The following PTCD2 variants were observed in gnomAD, a reference collection of about 807,000 sequenced individuals.
The protein encoded by PTCD2 is pentatricopeptide repeat-containing protein 2, mitochondrial.
PTCD2 carries 31 observed loss-of-function variants against 42.6 expected under a neutral mutation model. That is an observed-to-expected ratio of 0.73 (90% CI 0.55 to 0.98). The LOEUF (loss-of-function observed/expected upper bound fraction) is 0.98. Ranked by LOEUF, PTCD2 falls within the 50% of genes least tolerant of loss-of-function variation. The probability of loss-of-function intolerance (pLI) is 0.00; values close to 1 mark genes in which losing one functional copy is unlikely to be tolerated. For synonymous variants in PTCD2, 183 were observed against 170.9 expected, an observed-to-expected ratio of 1.07 and a Z score of -0.55; for missense variants, 476 against 454.8, an observed-to-expected ratio of 1.05 and a Z score of -0.42.
At chr5:72,323,080 G>A (rs927433650) in intron 2 of PTCD2, among the ~76,000 whole-genome samples, 1 of 152,026 alleles carries the variant, frequency 6.6e-6, no homozygotes, top group Admixed American at 6.6e-5. Flanking sequence ...AGCCTGGGAG[G>A]TCTAAGGTGC....
In PTCD2 at chr5:72,334,621, G is replaced by A. The variant is rs186622919; in HGVS notation, c.469-397G>A. On this transcript the variant is annotated intron_variant, in intron 4 of 9. Transcript: ENST00000380639. Reference sequence around the variant, plus strand: ...GGCTGGAGTGCAGTGGCGTGATCTCGGCTTACTGCAGCCTCCACCTCCTGG... The same window carrying A: ...GGCTGGAGTGCAGTGGCGTGATCTCAGCTTACTGCAGCCTCCACCTCCTGG... Among the ~76,000 whole-genome samples the A allele has an allele frequency of 3.7e-3, 569 of 151,862 alleles. 1 individual carries two copies. Among genetic ancestry groups the A allele is most frequent in the African/African-American group, 0.013 (552 of 41,430 alleles).
At chr5:72,326,996 A>G (rs1434997771) in intron 3 of PTCD2, among the ~76,000 whole-genome samples, 1 of 152,234 alleles carries the variant, frequency 6.6e-6, no homozygotes. Context: ...TTACCAGCCT[A>G]TCACTGACAT....
intron 6 of PTCD2, among the ~76,000 whole-genome samples, chr5:72,338,374 A>C (rs993139194): frequency 1.3e-5 from 2 of 152,222 alleles, no homozygotes; most frequent in African/African-American, 4.8e-5. Context: ...TTTTCTGGTT[A>C]AAACTGCCCC....
At chr5:72,354,675 G>C (rs978715020) in intron 9 of PTCD2, among the ~76,000 whole-genome samples, 2 of 152,192 alleles carry the variant, frequency 1.3e-5, no homozygotes, top group Non-Finnish European at 2.9e-5. Context: ...AGCGAATACA[G>C]ATTGGTACAC....
chr5:72,341,468 G>A (rs1465791006), intron 7 of PTCD2, among the ~76,000 whole-genome samples: 3 of 152,056 alleles, frequency 2.0e-5, no homozygotes, highest in Non-Finnish European at 4.4e-5. Flanking sequence ...GCCTAACACT[G>A]TGGCTCCTGC....
chr5:72,324,477 T>G (rs1341647478), intron 2 of PTCD2, among the ~76,000 whole-genome samples: 1 of 152,186 alleles, frequency 6.6e-6, no homozygotes, highest in Non-Finnish European at 1.5e-5. Flanking sequence ...CCCAGTTCTG[T>G]TCTGTTGCTC....
chr5:72,322,301 T>A, intron 2 of PTCD2, 37 bp downstream of exon 2: 2 of 1,257,264 alleles, frequency 1.6e-6, no homozygotes, highest in Non-Finnish European at 2.3e-6. Flanking sequence ...GTCATTTATC[T>A]GTCATTTAAG....
rs77657533 is a variant in PTCD2 at position 72,320,405 on chromosome 5, C to T, written c.23C>T (p.Ala8Val). 244 of 1,612,512 alleles carry T rather than the reference C, an allele frequency of 1.5e-4. 1 individual carries two copies. The highest frequency in any genetic ancestry group is 1.1e-3 in the East Asian group (50 of 44,880). ...GGTATGGTCCGAGACAGTATGGCTG[C>T]TGCATTTCGGCCCTCGAATCGAGTT... The part of the protein sequence containing the change: MVRDSMA[A>V]AFRPSNRVLL... Residue 8 changes from alanine (A) to valine (V), a missense_variant, in exon 1 of 10, where the codon GCT (alanine) becomes GTT (valine). By Grantham distance (64) the Ala-to-Val change is moderately conservative. Coordinates refer to ENST00000380639, the MANE Select transcript of PTCD2 (RefSeq NM_024754.5).
chr5:72,326,101 A>G (rs1028762940), intron 2 of PTCD2, among the ~76,000 whole-genome samples: 1 of 152,238 alleles, frequency 6.6e-6, no homozygotes, highest in African/African-American at 2.4e-5. Flanking sequence ...GTGAAGTTGA[A>G]TCAAATGAAA....
In PTCD2 at chr5:72,358,623, A is replaced by G. The variant is rs974309191; in HGVS notation, c.*196A>G. On this transcript the variant is annotated 3_prime_UTR_variant, in exon 10 of 10. Transcript: ENST00000380639. ...GCACCACTGTGAAGGTCTAGATGCA[A>G]GCTTGGCTCCCTCAGAAAGGCGCTT... The G allele has an allele frequency of 1.7e-6, 1 of 587,676 alleles. No individual in the cohort carries two copies. The highest frequency in any genetic ancestry group is 3.0e-6 in the Non-Finnish European group (1 of 330,600). The allele number at this position is 587,676 out of a possible 1,614,324, so 36.4% of individuals were successfully genotyped here.
rs1751932349 is a variant in PTCD2, at chr5:72,339,437, A to T, written c.753+702A>T. On this transcript the variant is annotated intron_variant, in intron 7 of 9. Coordinates refer to ENST00000380639, the MANE Select transcript of PTCD2 (RefSeq NM_024754.5). ...GCCAGGTTATTTTCCTGGCTGGTAA[A>T]ATATAGCTGGAGAACTCTTATTATT... Among the ~76,000 whole-genome samples, 3 of 152,354 alleles carry T rather than the reference A, an allele frequency of 2.0e-5. No individual in the cohort carries two copies. In the South Asian group the frequency reaches 6.2e-4, roughly 32 times the overall value.
intron 5 of PTCD2, 34 bp from the exon 6 acceptor site, chr5:72,335,758 ACT>A (rs757927023): frequency 1.0e-5 from 14 of 1,384,622 alleles, no homozygotes; most frequent in Non-Finnish European, 1.4e-5. Context: ...CAGTAGAGGA[ACT>A]CTAACACTGC....
chr5:72,343,100 A>T, intron 8 of PTCD2, 64 bp downstream of exon 8: 1 of 817,880 alleles, frequency 1.2e-6, no homozygotes, highest in Non-Finnish European at 1.7e-6. Context: ...GTATTATAAT[A>T]AAATTATACC....
chr5:72,326,764 TGCC>T, intron 3 of PTCD2, 23 bp downstream of exon 3: 1 of 1,611,906 alleles, frequency 6.2e-7, no homozygotes, highest in Non-Finnish European at 8.5e-7. Flanking sequence ...CTTAGAATGT[TGCC>T]ACCCTTATCC....
At chr5:72,357,858 T>G (rs943670829) in intron 9 of PTCD2, among the ~76,000 whole-genome samples, 50 of 152,192 alleles carry the variant, frequency 3.3e-4, no homozygotes, top group Admixed American at 2.6e-3. Context: ...TTTTTTTTTT[T>G]TTTAAGACTC....
Position 72,358,335 on chromosome 5 carries a change from A to G in PTCD2, c.1075A>G (p.Arg359Gly). The G allele has an allele frequency of 1.9e-6, 3 of 1,613,952 alleles. No homozygotes were observed. The highest frequency in any genetic ancestry group is 2.5e-6 in the Non-Finnish European group (3 of 1,179,964). ...SLDAVLCHTP[R>G]DRKSHTLLLN... is the part of the protein sequence containing the mutation. ...GGATGCTGTGCTCTGCCACACCCCCAGGGACAGGAAATCTCACACGTTGCT... is the reference window on the plus strand; with the variant it reads ...GGATGCTGTGCTCTGCCACACCCCCGGGGACAGGAAATCTCACACGTTGCT... The change falls in exon 10 of 10, where the codon AGG (arginine) becomes GGG (glycine). Residue 359 changes from arginine (R) to glycine (G), a missense_variant. By Grantham distance (125) the Arg-to-Gly change is moderately radical. Coordinates refer to ENST00000380639, the MANE Select transcript of PTCD2 (RefSeq NM_024754.5).
chr5:72,343,318 G>A (rs933664401), intron 8 of PTCD2, among the ~76,000 whole-genome samples: 2 of 152,148 alleles, frequency 1.3e-5, no homozygotes, highest in Non-Finnish European at 2.9e-5. Flanking sequence ...GACATGAGAC[G>A]TGGCTAAGAA....
intron 9 of PTCD2, among the ~76,000 whole-genome samples, chr5:72,357,908 G>T (rs1362884903): frequency 6.6e-6 from 1 of 151,366 alleles, no homozygotes; most frequent in East Asian, 1.9e-4. Flanking sequence ...CACGATCACA[G>T]CTCACTGCAG....
chr5:72,333,198 G>A (rs143419747), intron 4 of PTCD2, among the ~76,000 whole-genome samples: 240 of 152,176 alleles, frequency 1.6e-3, no homozygotes, highest in African/African-American at 5.5e-3. Flanking sequence ...CTCTGGACCT[G>A]CATGTTCTTC....
Sources: allele counts gnomAD v4.1 joint callset (sites outside exome capture counted in the v4.1 genomes callset), GRCh38; gene constraint gnomAD v4.1.1; transcripts MANE v1.5; gene names NCBI Gene and HGNC (gene_info 2026-07-23, HGNC 2026-07-21).